Variants in BACC1 observed in about 807,000 individuals in gnomAD.
The protein encoded by BACC1 is BPTF associated chromatin complex component 1.
the BACC1 span, chr17:7,015,924 T>A: frequency 6.6e-7 from 1 of 1,503,956 alleles, no homozygotes; most frequent in Non-Finnish European, 9.2e-7. Context: ...GCCTTCTTCC[T>A]CCTTACCCAA....
chr17:7,016,018 A>G, the BACC1 span: 4 of 656,482 alleles, frequency 6.1e-6, no homozygotes, highest in East Asian at 1.1e-4. Flanking sequence ...TTGAGGACTG[A>G]AAGAATAGAA....
At chr17:7,016,890 A>G in the BACC1 span, 1 of 1,604,430 alleles carries the variant, frequency 6.2e-7, no homozygotes. Flanking sequence ...CCTAGAACCT[A>G]GCTTATGCCC....
At chr17:7,015,155 G>A in the BACC1 span, 7 of 1,571,378 alleles carry the variant, frequency 4.5e-6, no homozygotes, top group Non-Finnish European at 6.0e-6. Flanking sequence ...TTCTCCTGCG[G>A]GGTACGTGAG....
At chr17:7,017,403 G>C in the BACC1 span, 3 of 1,353,634 alleles carry the variant, frequency 2.2e-6, no homozygotes, top group East Asian at 6.9e-5. Flanking sequence ...ACGAGAGAGG[G>C]CTGAAAGGCT....
the BACC1 span, chr17:7,015,569 G>C: frequency 2.1e-6 from 3 of 1,419,302 alleles, no homozygotes; most frequent in Non-Finnish European, 9.2e-7. Flanking sequence ...AGGTGGTTGT[G>C]ATTTCTTGTG....
the BACC1 span, chr17:7,017,020 A>C: frequency 6.2e-7 from 1 of 1,606,394 alleles, no homozygotes; most frequent in Middle Eastern, 1.7e-4. Flanking sequence ...CCAGGGTAGG[A>C]GTCCTCCTCC....
At chr17:7,014,811 G>T in the BACC1 span, 1 of 1,525,458 alleles carries the variant, frequency 6.6e-7, no homozygotes, top group South Asian at 1.2e-5. This position sits in a 1 kb window ranked among gnomAD's most constrained non-coding sequence, Gnocchi z 4.5. Flanking sequence ...GTCCCGGCTC[G>T]CGTGTAGCGG....
the BACC1 span, chr17:7,016,210 G>C: frequency 1.9e-6 from 1 of 524,088 alleles, no homozygotes. Context: ...TAGTTGATCA[G>C]TAAATCTCAA....
chr17:7,015,460 G>A, the BACC1 span: 2 of 1,373,578 alleles, frequency 1.5e-6, no homozygotes, highest in South Asian at 1.7e-5. Context: ...GGCTGTGTTG[G>A]TGGGTCTGTT....
the BACC1 span, chr17:7,015,677 G>A: frequency 7.2e-7 from 1 of 1,384,178 alleles, no homozygotes; most frequent in Non-Finnish European, 1.0e-6. Flanking sequence ...CCAGAAATCG[G>A]AAGGAGGCGG....
chr17:7,016,330 T>G, the BACC1 span: 1 of 685,268 alleles, frequency 1.5e-6, no homozygotes, highest in Non-Finnish European at 2.5e-6. Context: ...ACTCCATCCA[T>G]CCTGAGTGAG....
At chr17:7,016,641 G>T in the BACC1 span, 1 of 1,613,914 alleles carries the variant, frequency 6.2e-7, no homozygotes, top group Admixed American at 1.7e-5. Flanking sequence ...AGCAGCTCCA[G>T]TGTCCCTGAG....
the BACC1 span, chr17:7,017,014 G>A: frequency 6.2e-7 from 1 of 1,609,704 alleles, no homozygotes; most frequent in South Asian, 1.1e-5. Flanking sequence ...CTTCGACCAG[G>A]GTAGGAGTCC....
At chr17:7,015,079 G>C in the BACC1 span, 4 of 1,560,736 alleles carry the variant, frequency 2.6e-6, no homozygotes, top group East Asian at 2.5e-5. Flanking sequence ...AGATCTTCTC[G>C]GCGGCCGGCG....
At chr17:7,016,590 C>T in the BACC1 span, 1 of 1,614,182 alleles carries the variant, frequency 6.2e-7, no homozygotes, top group Non-Finnish European at 8.5e-7. Context: ...AAGAAGGTGG[C>T]ATCTGGTGTC....
the BACC1 span, chr17:7,015,493 T>G: frequency 7.3e-7 from 1 of 1,365,668 alleles, no homozygotes; most frequent in Non-Finnish European, 9.4e-7. Context: ...TCCTGGCGAG[T>G]TGGTTTCAGT....
At chr17:7,014,875 A>G in the BACC1 span, 2 of 1,538,282 alleles carry the variant, frequency 1.3e-6, no homozygotes, top group Non-Finnish European at 1.7e-6. The surrounding 1 kb of genome is among the most constrained non-coding windows in gnomAD (Gnocchi z 4.5). Context: ...CAGCGTCCAC[A>G]AAGGTTCGAC....
the BACC1 span, chr17:7,016,898 C>G: frequency 2.5e-6 from 4 of 1,608,900 alleles, no homozygotes; most frequent in Non-Finnish European, 2.6e-6. Flanking sequence ...CTAGCTTATG[C>G]CCCCTTCCCA....
chr17:7,015,843 T>G, the BACC1 span: 1 of 1,614,072 alleles, frequency 6.2e-7, no homozygotes, highest in South Asian at 1.1e-5. Context: ...ACGATCTTAA[T>G]CACATCAGCT....
Sources: gnomAD v4.1 joint callset for allele counts on GRCh38, gnomAD v4.1.1 for gene constraint, Gnocchi (gnomAD v3.1) non-coding constraint, MANE v1.5 for transcripts, NCBI Gene and HGNC (gene_info 2026-07-23, HGNC 2026-07-21) for gene names.